Variants in ADK observed in about 807,000 individuals in gnomAD.
ADK encodes the protein adenosine kinase, also known as N6,N6-dimethyladenosine kinase.
A neutral mutation model predicts 44.7 loss-of-function variants in ADK; 24 were observed. The observed-to-expected ratio is 0.54, with a 90% CI of 0.39 to 0.76. ADK has a LOEUF of 0.76. ADK is among the 30% of genes least tolerant of loss of function. ADK has a pLI of 0.00. For synonymous variants in ADK, 128 were observed against 142.6 expected (o/e 0.90, Z 0.73); for missense variants, 321 against 425.1 (o/e 0.76, Z 2.15).
rs1338532304 is a variant in ADK, at chr10:74,394,167, A to C, written c.300A>C (p.Ala100=). The change falls in exon 5 of 11, where the codon GCA becomes GCC. Residue 100 remains alanine (A), a synonymous_variant. Coordinates refer to ENST00000539909, the MANE Select transcript of ADK (RefSeq NM_006721.4). ...GGATGATTCAACAGCCACACAAAGCAGCAACATTTTTTGGATGCATTGGGA... is the reference window on the plus strand; with the variant it reads ...GGATGATTCAACAGCCACACAAAGCCGCAACATTTTTTGGATGCATTGGGA... ...AQWMIQQPHK[A]ATFFGCIGID... 1.2e-6 allele frequency: 2 copies of C among 1,613,970 alleles called. No homozygotes were observed. The highest frequency in any genetic ancestry group is 2.7e-5 in the African/African-American group (2 of 74,920).
chr10:74,571,980 A>T (rs1850984651), intron 7 of ADK, among the ~76,000 whole-genome samples: 1 of 152,172 alleles, frequency 6.6e-6, no homozygotes, highest in Admixed American at 6.5e-5. Flanking sequence ...GTGTCTTTTA[A>T]TTGGAGCATT....
At chr10:74,528,680 A>C (rs1849161158) in intron 7 of ADK, among the ~76,000 whole-genome samples, 1 of 152,148 alleles carries the variant, frequency 6.6e-6, no homozygotes, top group African/African-American at 2.4e-5. Context: ...CAATAAGCAA[A>C]CTAACAACAT....
intron 1 of ADK, among the ~76,000 whole-genome samples, chr10:74,186,504 A>C (rs1454162306): frequency 1.3e-5 from 2 of 151,230 alleles, no homozygotes; most frequent in South Asian, 2.1e-4. Context: ...GGGTCTTGCT[A>C]TGTTGCCCAG....
At chr10:74,653,250 A>C (rs1257347856) in intron 9 of ADK, among the ~76,000 whole-genome samples, 2 of 152,020 alleles carry the variant, frequency 1.3e-5, no homozygotes, top group Non-Finnish European at 2.9e-5. Context: ...TCAGGAGTTC[A>C]AGACCAGCCT....
At chr10:74,525,466 T>C in intron 7 of ADK, 40 bp downstream of exon 7, 1 of 1,378,302 alleles carries the variant, frequency 7.3e-7, no homozygotes, top group African/African-American at 1.4e-5. Flanking sequence ...CTGGGGGTTT[T>C]TTGTTTGTTT....
At chr10:74,461,892 A>C (rs1846183262) in intron 6 of ADK, among the ~76,000 whole-genome samples, 1 of 152,098 alleles carries the variant, frequency 6.6e-6, no homozygotes, top group African/African-American at 2.4e-5. Flanking sequence ...ACTAAAAATA[A>C]GTGGATATTT....
chr10:74,626,625 G>C (rs1172643951), intron 9 of ADK, among the ~76,000 whole-genome samples: 1 of 152,140 alleles, frequency 6.6e-6, no homozygotes, highest in Non-Finnish European at 1.5e-5. Context: ...TTTATAGGAT[G>C]TATATGATTA....
intron 6 of ADK, among the ~76,000 whole-genome samples, chr10:74,478,196 A>T (rs1846929624): frequency 6.6e-6 from 1 of 152,208 alleles, no homozygotes; most frequent in South Asian, 2.1e-4. Flanking sequence ...GGCATTAGCC[A>T]CTATACCCAG....
At chr10:74,249,046 A>G (rs572494695) in intron 3 of ADK, among the ~76,000 whole-genome samples, 9 of 152,264 alleles carry the variant, frequency 5.9e-5, no homozygotes, top group African/African-American at 2.2e-4. Context: ...TCTATTTTTC[A>G]TGTCTTCCAA....
intron 9 of ADK, among the ~76,000 whole-genome samples, chr10:74,649,932 T>C (rs1451749120): frequency 6.6e-6 from 1 of 152,206 alleles, no homozygotes; most frequent in Non-Finnish European, 1.5e-5. Context: ...CCAAGATACC[T>C]GATTGTGAGG....
At chr10:74,625,597 T>A (rs928680102) in intron 9 of ADK, among the ~76,000 whole-genome samples, 2 of 152,094 alleles carry the variant, frequency 1.3e-5, no homozygotes, top group Non-Finnish European at 2.9e-5. Context: ...AAGATGAAAA[T>A]CCTTTTTTTA....
At chr10:74,191,905 A>T (rs1042165067) in intron 1 of ADK, among the ~76,000 whole-genome samples, 9 of 152,164 alleles carry the variant, frequency 5.9e-5, no homozygotes, top group African/African-American at 2.2e-4. Context: ...CCACAAAGAA[A>T]TTTCTTCATA....
At position 74,226,446 on chromosome 10, in the gene ADK, A is replaced by G. The variant is rs149262032; in HGVS notation, c.194+1855A>G. On this transcript the variant is annotated intron_variant, in intron 3 of 10. Transcript: ENST00000539909. ...TTACGAAAAGTTTTAAACATATGTT[A>G]TGTGTTCACCCATATATTTACCACC... Among the ~76,000 whole-genome samples the G allele has an allele frequency of 3.2e-3, 491 of 152,280 alleles. 6 individuals are homozygous for G. The highest frequency in any genetic ancestry group is 0.011 in the African/African-American group (460 of 41,554).
At chr10:74,512,543 A>G (rs1398543928) in intron 6 of ADK, among the ~76,000 whole-genome samples, 1 of 151,406 alleles carries the variant, frequency 6.6e-6, no homozygotes, top group Non-Finnish European at 1.5e-5. Flanking sequence ...CATTTCCTCT[A>G]GGTTTTCAAA....
rs537561529 is a variant in ADK at position 74,483,468 on chromosome 10, A to G, written c.556-41788A>G. Among the ~76,000 whole-genome samples the G allele has an allele frequency of 5.9e-5, 9 of 152,296 alleles. 1 individual carries two copies. The highest frequency in any genetic ancestry group is 1.3e-4 in the Admixed American group (2 of 15,298). On this transcript the variant is annotated intron_variant, in intron 6 of 10. Transcript: ENST00000539909. ...CAGCATTTTCCCCACTGTCTCGGCT[A>G]TTAACATTTGGCTCATTTTTACTTA...
chr10:74,398,609 T>C (rs761605975), intron 6 of ADK, 30 bp downstream of exon 6: 1 of 1,226,476 alleles, frequency 8.2e-7, no homozygotes, highest in Non-Finnish European at 1.2e-6. Context: ...AAATCTCTAG[T>C]ACATATTTAC....
At chr10:74,324,070 T>C (rs1165921581) in intron 4 of ADK, among the ~76,000 whole-genome samples, 1 of 152,172 alleles carries the variant, frequency 6.6e-6, no homozygotes, top group African/African-American at 2.4e-5. Context: ...TCTTCGAGGC[T>C]GGAGTGCAGT....
chr10:74,464,945 A>G (rs1846300758), intron 6 of ADK, among the ~76,000 whole-genome samples: 2 of 152,212 alleles, frequency 1.3e-5, no homozygotes, highest in South Asian at 4.1e-4. Context: ...AAGGAATACT[A>G]CATTCCTGCC....
chr10:74,280,506 A>T (rs12569733), intron 3 of ADK, among the ~76,000 whole-genome samples: 2,929 of 151,912 alleles, frequency 0.019, 73 homozygotes, highest in African/African-American at 0.057. Context: ...TCTGGCCTCA[A>T]GTATTTCTCC....
Sources: allele counts gnomAD v4.1 joint callset (sites outside exome capture counted in the v4.1 genomes callset), GRCh38; gene constraint gnomAD v4.1.1; transcripts MANE v1.5; gene names NCBI Gene and HGNC (gene_info 2026-07-23, HGNC 2026-07-21).